Variants in NLRP14 observed in about 807,000 individuals in gnomAD.
The protein encoded by NLRP14 is NACHT, LRR and PYD domains-containing protein 14.
NLRP14 carries 105 observed loss-of-function variants against 94.7 expected under a neutral mutation model. The observed-to-expected ratio is 1.11, with a 90% CI of 0.95 to 1.30. NLRP14 has a LOEUF of 1.30. Among genes scored for constraint, NLRP14 ranks in the 50% most tolerant of loss-of-function variants. The pLI is 0.00. For synonymous variants in NLRP14, 508 were observed against 459.9 expected (o/e 1.10, Z -1.34); for missense variants, 1,362 against 1,254.1 (o/e 1.09, Z -1.30).
Position 7,059,889 on chromosome 11 carries a change from T to G in NLRP14, c.2634-5T>G, listed in dbSNP as rs1852586510. 4 of 1,610,728 alleles carry G rather than the reference T, an allele frequency of 2.5e-6. No homozygotes were observed. Among genetic ancestry groups the G allele is most frequent in the Non-Finnish European group, 2.5e-6 (3 of 1,177,558 alleles). On this transcript the variant is annotated splice_polypyrimidine_tract_variant and splice_region_variant and intron_variant, in intron 8 of 11. Transcript: ENST00000299481. ...CCATCTTTCTTCACATTGTCCTTCCTGTAGGCTGAGGCGTTGCCATTTCAC... is the reference window on the plus strand; with the variant it reads ...CCATCTTTCTTCACATTGTCCTTCCGGTAGGCTGAGGCGTTGCCATTTCAC...
the NLRP14 span, chr11:7,090,429 AG>A: frequency 3.9e-4 from 469 of 1,200,600 alleles, 1 homozygote; most frequent in African/African-American, 6.5e-3. Context: ...TTTCCTGTTA[AG>A]ATCGTCTCCA....
At chr11:7,039,896 C>A (rs1852222185) in intron 3 of NLRP14, 111 bp downstream of exon 3, 1 of 858,986 alleles carries the variant, frequency 1.2e-6, no homozygotes, top group Non-Finnish European at 2.0e-6. Context: ...TCTTCTAATA[C>A]CCCACCTGTT....
At chr11:7,041,006 A>G (rs568291183) in intron 3 of NLRP14, among the ~76,000 whole-genome samples, 2 of 152,262 alleles carry the variant, frequency 1.3e-5, no homozygotes, top group South Asian at 2.1e-4. Context: ...AAAGTAAACT[A>G]TTTATTATGG....
chr11:7,021,307 AG>A (rs1851929278), intron 1 of NLRP14, among the ~76,000 whole-genome samples: 1 of 152,226 alleles, frequency 6.6e-6, no homozygotes, highest in Non-Finnish European at 1.5e-5. Context: ...CCTTGCACAT[AG>A]GAAGTAGTCT....
chr11:7,052,709 C>A (rs889552558), intron 6 of NLRP14, among the ~76,000 whole-genome samples: 1 of 152,148 alleles, frequency 6.6e-6, no homozygotes, highest in South Asian at 2.1e-4. Flanking sequence ...GTCTCATTAT[C>A]AACTAGAGTA....
chr11:7,088,959 G>A, the NLRP14 span: 1 of 790,182 alleles, frequency 1.3e-6, no homozygotes, highest in Non-Finnish European at 2.0e-6. Flanking sequence ...ACAGGCAGCA[G>A]GGGCGCGCCC....
At chr11:7,039,580 G>T in intron 2 of NLRP14, 134 bp from the exon 3 acceptor site, 1 of 776,972 alleles carries the variant, frequency 1.3e-6, no homozygotes. Flanking sequence ...TGAGGCTCTG[G>T]CAGCTCTAGT....
At chr11:7,048,254 GC>G (rs1297031640) in intron 5 of NLRP14, among the ~76,000 whole-genome samples, 1 of 151,910 alleles carries the variant, frequency 6.6e-6, no homozygotes, top group African/African-American at 2.4e-5. Flanking sequence ...GGTAATCTTT[GC>G]CAACATTAGA....
chr11:7,023,617 TAAG>T (rs1246554053), intron 1 of NLRP14, among the ~76,000 whole-genome samples: 1 of 150,788 alleles, frequency 6.6e-6, no homozygotes, highest in African/African-American at 2.4e-5. Flanking sequence ...GAAAAGAACA[TAAG>T]AAATTATATT....
rs1321028044 is a variant in NLRP14, at chr11:7,042,500, T to C, written c.474T>C (p.Asp158=). ...EDFHHGIAEK[D]RKLLEHLFDV... is the part of the protein sequence containing the mutation. The stretch of plus-strand genomic sequence containing the variant: ...TCCATCATGGAATTGCAGAGAAAGA[T>C]AGAAAACTGTTGGAACACTTGTTCG... Residue 158 remains aspartate, a synonymous_variant, in exon 4 of 12, where the codon GAT becomes GAC. Coordinates refer to ENST00000299481, the MANE Select transcript of NLRP14 (RefSeq NM_176822.4). 3 of 1,614,056 alleles carry C rather than the reference T, an allele frequency of 1.9e-6. No homozygotes were observed. Among genetic ancestry groups the C allele is most frequent in the African/African-American group, 1.3e-5 (1 of 74,944 alleles).
intron 1 of NLRP14, among the ~76,000 whole-genome samples, chr11:7,030,870 G>A (rs1852081791): frequency 6.6e-6 from 1 of 152,320 alleles, no homozygotes; most frequent in East Asian, 1.9e-4. Context: ...AAGGACGTGC[G>A]CCCACAGGTT....
chr11:7,047,149 A>G (rs1565018802), intron 5 of NLRP14, among the ~76,000 whole-genome samples: 1 of 152,178 alleles, frequency 6.6e-6, no homozygotes, highest in Non-Finnish European at 1.5e-5. Context: ...GGAACTTACT[A>G]TCCTCTTAAA....
chr11:7,089,101 C>T, the NLRP14 span: 13 of 1,609,068 alleles, frequency 8.1e-6, no homozygotes, highest in South Asian at 1.1e-4. Flanking sequence ...CGCCACTGAC[C>T]GACCGTTCGA....
intron 8 of NLRP14, among the ~76,000 whole-genome samples, chr11:7,059,006 C>T (rs1439484024): frequency 1.3e-5 from 2 of 151,922 alleles, no homozygotes; most frequent in Non-Finnish European, 2.9e-5. Context: ...TGCACTTTAA[C>T]ACCCTCATTG....
Position 7,052,128 on chromosome 11 carries a change from A to G in NLRP14, c.2291+2290A>G, listed in dbSNP as rs191904395. ...AAAACAAAAACAGAAACCTTGGCAT[A>G]GTCCAATAATTTCTGATTGTGCCCA... On this transcript the variant is annotated intron_variant, in intron 6 of 11. Coordinates refer to ENST00000299481, the MANE Select transcript of NLRP14 (RefSeq NM_176822.4). 4.1e-4 allele frequency among the ~76,000 whole-genome samples: 62 copies of G among 152,344 alleles called. 1 individual carries two copies. The highest frequency in any genetic ancestry group is 6.8e-4 in the Non-Finnish European group (46 of 68,030).
Position 7,046,773 on chromosome 11 carries a change from A to C in NLRP14, c.2064A>C (p.Ser688=). 3 of 1,613,666 alleles carry C rather than the reference A, an allele frequency of 1.9e-6. No individual in the cohort carries two copies. Among genetic ancestry groups the C allele is most frequent in the Non-Finnish European group, 2.5e-6 (3 of 1,179,548 alleles). The stretch of plus-strand genomic sequence containing the variant: ...TGTACCATAGCAACCTTGATAAATC[A>C]GCAATGAATATCCTGCATCATGAAC... ...LDLYHSNLDK[S]AMNILHHELR... is the part of the protein sequence containing the mutation. Residue 688 remains serine, a synonymous_variant, in exon 5 of 12, where the codon TCA becomes TCC. Coordinates refer to ENST00000299481, the MANE Select transcript of NLRP14 (RefSeq NM_176822.4).
chr11:7,046,849 A>G lies in NLRP14; in HGVS notation c.2123+17A>G. On this transcript the variant is annotated intron_variant, in intron 5 of 11. Transcript: ENST00000299481. ...AAAGCTACTGTAAGTCTGGTATGAG[A>G]AAATTTAATGGAGTTATTCTAATTT... 1 of 1,591,286 alleles carries G rather than the reference A, an allele frequency of 6.3e-7. No individual in the cohort carries two copies. The highest frequency in any genetic ancestry group is 1.1e-5 in the South Asian group (1 of 90,596).
intron 1 of NLRP14, among the ~76,000 whole-genome samples, chr11:7,030,327 T>G (rs1469728086): frequency 7.2e-5 from 11 of 152,236 alleles, no homozygotes; most frequent in Admixed American, 7.2e-4. Flanking sequence ...GTGACTACTG[T>G]GGTCGATTTG....
In NLRP14 at chr11:7,043,496, G is replaced by A; in HGVS notation, c.1470G>A (p.Met490Ile). Reference sequence around the variant, plus strand: ...ATGTTCAGGAGTTTTTTGCAGCTATGTTCTATATGTTGAAAGGCAGTTGGG... The same window carrying A: ...ATGTTCAGGAGTTTTTTGCAGCTATATTCTATATGTTGAAAGGCAGTTGGG... ...HLHVQEFFAAMFYMLKGSWEA... is the reference protein window; with the variant it reads ...HLHVQEFFAAIFYMLKGSWEA... Residue 490 changes from methionine (M) to isoleucine (I), a missense_variant, in exon 4 of 12, where the codon ATG (methionine) becomes ATA (isoleucine). Physicochemically the swap from Met to Ile is conservative, Grantham distance 10. Coordinates refer to ENST00000299481, the MANE Select transcript of NLRP14 (RefSeq NM_176822.4). 1 of 1,614,164 alleles carries A rather than the reference G, an allele frequency of 6.2e-7. No homozygotes were observed. The highest frequency in any genetic ancestry group is 8.5e-7 in the Non-Finnish European group (1 of 1,180,020).
Sources: allele counts gnomAD v4.1 joint callset (sites outside exome capture counted in the v4.1 genomes callset), GRCh38; gene constraint gnomAD v4.1.1; transcripts MANE v1.5; gene names NCBI Gene and HGNC (gene_info 2026-07-23, HGNC 2026-07-21).